The following RAB2A variants were observed in gnomAD, a reference collection of about 807,000 sequenced individuals.
The protein encoded by RAB2A is ras-related protein Rab-2A.
Under a neutral mutation model 32.5 loss-of-function variants are expected in RAB2A, and 7 were observed. The ratio of observed to expected loss-of-function variants is 0.22; its 90% confidence interval spans 0.12 to 0.40. RAB2A has a LOEUF of 0.40. Among genes scored for constraint, RAB2A ranks in the 10% least tolerant of loss-of-function variants. RAB2A has a pLI of 1.00. For synonymous variants in RAB2A, 79 were observed against 85.2 expected (o/e 0.93, Z 0.40); for missense variants, 108 against 260.7 (o/e 0.41, Z 4.03).
intron 6 of RAB2A, 158 bp downstream of exon 6, chr8:60,592,127 T>C (rs1323055553): frequency 2.2e-6 from 1 of 452,088 alleles, no homozygotes; most frequent in East Asian, 3.3e-5. Context: ...AACATTCACC[T>C]TCTGTCAGAC....
intron 5 of RAB2A, among the ~76,000 whole-genome samples, chr8:60,586,296 CA>C (rs10591904): frequency 0.066 from 9,612 of 145,792 alleles, 797 homozygotes; most frequent in African/African-American, 0.19. Flanking sequence ...GACCTTGTCT[CA>C]AAAAAAAAAA....
chr8:60,578,265 A>C (rs1405167738), intron 3 of RAB2A, among the ~76,000 whole-genome samples: 1 of 152,244 alleles, frequency 6.6e-6, no homozygotes, highest in Non-Finnish European at 1.5e-5. Context: ...GAAGAGGAAA[A>C]AAGATAAGCA....
chr8:60,595,226 T>G (rs1161539876), intron 6 of RAB2A, among the ~76,000 whole-genome samples: 1 of 152,206 alleles, frequency 6.6e-6, no homozygotes, highest in Non-Finnish European at 1.5e-5. Flanking sequence ...TTTCTTCAAG[T>G]CTTGCAAATT....
chr8:60,622,314 TCCCTGAAGATTC>T lies in RAB2A; in HGVS notation c.*1546_*1557del, dbSNP rs1804540691. 1 of 152,252 alleles carries T rather than the reference TCCCTGAAGATTC, an allele frequency of 6.6e-6. No individual in the cohort carries two copies. Among genetic ancestry groups the T allele is most frequent in the African/African-American group, 2.4e-5 (1 of 41,468 alleles). The allele number at this position is 152,252 out of a possible 1,614,324, so 9.4% of individuals were successfully genotyped here. On this transcript the variant is annotated 3_prime_UTR_variant, in exon 8 of 8. Coordinates refer to ENST00000262646, the MANE Select transcript of RAB2A (RefSeq NM_002865.3). ...ATGGCCTTCAACTTTCTACAGGTCTTCCCTGAAGATTCAGCAGTACTCTCTCAAAGGTTTGAC... is the reference window on the plus strand; with the variant it reads ...ATGGCCTTCAACTTTCTACAGGTCTTAGCAGTACTCTCTCAAAGGTTTGAC...
At chr8:60,582,296 T>A (rs79868067) in intron 3 of RAB2A, among the ~76,000 whole-genome samples, 1,662 of 152,296 alleles carry the variant, frequency 0.011, 36 homozygotes, top group African/African-American at 0.037. Context: ...CCCTTTTGTG[T>A]GATGGCTTTC....
At chr8:60,523,348 G>C (rs928605123) in intron 1 of RAB2A, among the ~76,000 whole-genome samples, 1 of 151,366 alleles carries the variant, frequency 6.6e-6, no homozygotes, top group Non-Finnish European at 1.5e-5. Context: ...TAGTGAAGAC[G>C]GGCTTTCACT....
chr8:60,536,573 A>C (rs1807559826), intron 1 of RAB2A, among the ~76,000 whole-genome samples: 1 of 152,246 alleles, frequency 6.6e-6, no homozygotes, highest in African/African-American at 2.4e-5. Flanking sequence ...AAAGTGTGTT[A>C]AGATACATGA....
intron 6 of RAB2A, 62 bp from the exon 7 acceptor site, chr8:60,618,518 T>C (rs1169789232): frequency 8.6e-6 from 7 of 818,336 alleles, no homozygotes; most frequent in Non-Finnish European, 1.2e-5. Context: ...CTATAGAGCA[T>C]ATATAATGTT....
At chr8:60,517,386 C>T (rs951932675) in intron 1 of RAB2A, 133 bp downstream of exon 1, 4 of 879,622 alleles carry the variant, frequency 4.5e-6, no homozygotes, top group Non-Finnish European at 6.4e-6. Context: ...GCTCCATTTC[C>T]GCAGTGCTGG....
intron 3 of RAB2A, among the ~76,000 whole-genome samples, chr8:60,574,330 T>A (rs775699510): frequency 2.0e-5 from 3 of 152,182 alleles, no homozygotes; most frequent in Non-Finnish European, 4.4e-5. Context: ...TCCACCTATA[T>A]CTTATGCAGC....
intron 5 of RAB2A, among the ~76,000 whole-genome samples, chr8:60,590,895 AAACACC>A (rs1803932131): frequency 3.3e-5 from 5 of 151,692 alleles, no homozygotes; most frequent in Admixed American, 3.3e-4. Flanking sequence ...ATGAGAATGA[AAACACC>A]AAATTTAGGT....
chr8:60,556,493 T>A (rs1343542855), intron 1 of RAB2A, among the ~76,000 whole-genome samples: 3 of 151,566 alleles, frequency 2.0e-5, no homozygotes, highest in Non-Finnish European at 2.9e-5. Context: ...AATTAAAATT[T>A]AAAAAAAAAT....
At chr8:60,579,817 C>T (rs1563476488) in intron 3 of RAB2A, among the ~76,000 whole-genome samples, 1 of 151,498 alleles carries the variant, frequency 6.6e-6, no homozygotes, top group Admixed American at 6.6e-5. Context: ...TTAGTAGAGA[C>T]AGGGTTTCAC....
intron 3 of RAB2A, among the ~76,000 whole-genome samples, chr8:60,577,792 A>ATTTTTTTTTTTT (rs3055112): frequency 6.8e-3 from 766 of 112,870 alleles, no homozygotes; most frequent in East Asian, 0.01. Flanking sequence ...CGCCCGGCTA[A>ATTTTTTTTTTTT]TTTTTTTTTT....
intron 6 of RAB2A, among the ~76,000 whole-genome samples, chr8:60,598,593 G>C (rs1159188507): frequency 2.0e-5 from 3 of 151,970 alleles, no homozygotes; most frequent in Non-Finnish European, 2.9e-5. Context: ...TTTATTCCAG[G>C]GATGCAAGGC....
In RAB2A at chr8:60,597,531, G is replaced by A. The variant is rs1051116631; in HGVS notation, c.474+5562G>A. On this transcript the variant is annotated intron_variant, in intron 6 of 7. Transcript: ENST00000262646. ...TGGGTGCAGCAAACCACCATGGCAC[G>A]TATATACCTATGTAACAAATCTGCA... 3.9e-5 allele frequency among the ~76,000 whole-genome samples: 6 copies of A among 151,966 alleles called. No individual in the cohort carries two copies. In the East Asian group the frequency reaches 5.8e-4, roughly 15 times the overall value.
intron 2 of RAB2A, among the ~76,000 whole-genome samples, chr8:60,559,855 T>G (rs1807994222): frequency 6.6e-6 from 1 of 152,222 alleles, no homozygotes. Context: ...GATCCTTATG[T>G]TCTGTGTGTT....
At chr8:60,570,914 A>T (rs868428047) in intron 2 of RAB2A, among the ~76,000 whole-genome samples, 1 of 152,192 alleles carries the variant, frequency 6.6e-6, no homozygotes, top group Non-Finnish European at 1.5e-5. Flanking sequence ...CTGGGAAACT[A>T]GAAGTTGTTT....
At chr8:60,595,792 T>C (rs1283484634) in intron 6 of RAB2A, among the ~76,000 whole-genome samples, 1 of 152,152 alleles carries the variant, frequency 6.6e-6, no homozygotes, top group African/African-American at 2.4e-5. Context: ...ATCCCTTAGG[T>C]GCTCACAGAA....
Sources: gnomAD v4.1 joint callset for allele counts (sites outside exome capture counted in the v4.1 genomes callset) on GRCh38, gnomAD v4.1.1 for gene constraint, MANE v1.5 for transcripts, NCBI Gene and HGNC (gene_info 2026-07-23, HGNC 2026-07-21) for gene names.